Variants in TRPM3 observed in about 807,000 individuals in gnomAD.
TRPM3 encodes the protein long transient receptor potential channel 3.
A neutral mutation model predicts 181.2 loss-of-function variants in TRPM3; 77 were observed. The ratio of observed to expected loss-of-function variants is 0.42; its 90% CI spans 0.35 to 0.51. TRPM3 has a LOEUF of 0.51. Among genes scored for constraint, TRPM3 ranks in the 20% least tolerant of loss-of-function variants. TRPM3 has a pLI of 0.01. For synonymous variants in TRPM3, 745 were observed against 796.4 expected (o/e 0.94, Z 1.09); for missense variants, 1,759 against 2,196.7 (o/e 0.80, Z 3.98).
At chr9:70,771,526 A>G (rs1048501231) in intron 7 of TRPM3, among the ~76,000 whole-genome samples, 8 of 151,744 alleles carry the variant, frequency 5.3e-5, no homozygotes, top group Non-Finnish European at 8.8e-5. Context: ...TGAGCCAGCT[A>G]TGGTAAAACA....
chr9:70,966,288 A>G (rs2097184801), intron 1 of TRPM3, among the ~76,000 whole-genome samples: 1 of 152,072 alleles, frequency 6.6e-6, no homozygotes, highest in African/African-American at 2.4e-5. Flanking sequence ...CTGTTACACC[A>G]TTGGTGGGAG....
At chr9:71,352,155 G>A (rs566504292) in intron 1 of TRPM3, among the ~76,000 whole-genome samples, 57 of 152,268 alleles carry the variant, frequency 3.7e-4, no homozygotes, top group African/African-American at 1.3e-3. Context: ...GATTACAGGC[G>A]TGAGCCACTG....
chr9:71,265,298 A>G (rs866195791), intron 1 of TRPM3, among the ~76,000 whole-genome samples: 45 of 152,338 alleles, frequency 3.0e-4, no homozygotes, highest in African/African-American at 1.0e-3. Flanking sequence ...AGACTATCTG[A>G]ATATAAGTTA....
intron 1 of TRPM3, among the ~76,000 whole-genome samples, chr9:70,961,075 T>G (rs1425331990): frequency 1.3e-5 from 2 of 152,114 alleles, no homozygotes; most frequent in African/African-American, 4.8e-5. Context: ...AATTACAACA[T>G]AAGGAGAAGA....
intron 1 of TRPM3, among the ~76,000 whole-genome samples, chr9:71,258,090 T>C (rs754691497): frequency 2.0e-5 from 3 of 152,154 alleles, no homozygotes; most frequent in Admixed American, 6.5e-5. Context: ...AAGGCTAAAA[T>C]CATGAAAATG....
At chr9:71,325,505 AG>A (rs2089607764) in intron 1 of TRPM3, among the ~76,000 whole-genome samples, 1 of 152,192 alleles carries the variant, frequency 6.6e-6, no homozygotes, top group African/African-American at 2.4e-5. Context: ...TCAACTCTAG[AG>A]TTACAGAGAT....
Position 71,225,302 on chromosome 9 carries a change from C to T in TRPM3, c.183+221351G>A, listed in dbSNP as rs552868432. On this transcript the variant is annotated intron_variant, in intron 1 of 24. Coordinates refer to the TRPM3 transcript ENST00000357533. ...AGCAGACTTTTCAGTGGAAAGCTTA[C>T]AGACCAGGCAAGAGTGGCATGACGT... is the stretch of plus-strand genomic sequence containing the variant. Among the ~76,000 whole-genome samples the T allele has an allele frequency of 3.3e-5, 5 of 151,848 alleles. No individual in the cohort carries two copies. The South Asian group carries it at 1.0e-3, about 32-fold the overall frequency.
At chr9:70,738,002 CTATGTCT>C (rs1422735673) in intron 8 of TRPM3, among the ~76,000 whole-genome samples, 1 of 152,156 alleles carries the variant, frequency 6.6e-6, no homozygotes, top group Admixed American at 6.6e-5. Flanking sequence ...TGGATTTAAA[CTATGTCT>C]TAGAACAAAT....
intron 1 of TRPM3, among the ~76,000 whole-genome samples, chr9:71,420,966 G>GGAGAGAAAAAGGGAGAGAAAAAGAGAAA (rs1563912300): frequency 2.5e-5 from 1 of 39,442 alleles, no homozygotes; most frequent in African/African-American, 1.1e-4. Context: ...AGAGAAAAAG[G>GGAGAGAAAAAGGGAGAGAAAAAGAGAAA]GAGAGAAAAA....
At chr9:70,981,085 C>T (rs2097359394) in intron 1 of TRPM3, among the ~76,000 whole-genome samples, 1 of 152,146 alleles carries the variant, frequency 6.6e-6, no homozygotes. Flanking sequence ...TTACCATGAG[C>T]TTTGATTCAT....
intron 1 of TRPM3, among the ~76,000 whole-genome samples, chr9:71,014,690 G>A (rs2097770482): frequency 6.6e-6 from 1 of 152,072 alleles, no homozygotes; most frequent in African/African-American, 2.4e-5. Context: ...GAATTGCCTA[G>A]TATACTTCTA....
At chr9:71,176,638 T>C (rs762456098) in intron 1 of TRPM3, among the ~76,000 whole-genome samples, 2 of 152,080 alleles carry the variant, frequency 1.3e-5, no homozygotes, top group African/African-American at 2.4e-5. Flanking sequence ...AAGTAGTGTA[T>C]AGTAATGTCC....
At chr9:70,998,170 T>A (rs12379950) in intron 1 of TRPM3, among the ~76,000 whole-genome samples, 5 of 143,706 alleles carry the variant, frequency 3.5e-5, no homozygotes, top group African/African-American at 1.3e-4. Flanking sequence ...TATACATATA[T>A]ACACATATAT....
intron 9 of TRPM3, among the ~76,000 whole-genome samples, chr9:70,645,929 A>G (rs1048610453): frequency 6.6e-6 from 1 of 152,138 alleles, no homozygotes; most frequent in Non-Finnish European, 1.5e-5. Flanking sequence ...ATATGAAGAG[A>G]CACTTCTCAG....
At chr9:71,411,661 G>C (rs973707919) in intron 1 of TRPM3, among the ~76,000 whole-genome samples, 2 of 152,116 alleles carry the variant, frequency 1.3e-5, no homozygotes, top group Non-Finnish European at 2.9e-5. Context: ...TCACGAAAAT[G>C]GCCATACTGC....
chr9:70,908,170 A>T (rs989408734), intron 1 of TRPM3, among the ~76,000 whole-genome samples: 3 of 152,242 alleles, frequency 2.0e-5, no homozygotes, highest in African/African-American at 4.8e-5. Context: ...TATATCAGTT[A>T]GTTGACAAAA....
At chr9:70,835,120 C>T (rs1331713416) in intron 5 of TRPM3, among the ~76,000 whole-genome samples, 1 of 152,194 alleles carries the variant, frequency 6.6e-6, no homozygotes, top group Admixed American at 6.5e-5. Context: ...TGCCAGCTCC[C>T]CCTTTGCCTT....
chr9:70,803,608 C>A (rs1431872347), intron 6 of TRPM3, among the ~76,000 whole-genome samples: 1 of 151,878 alleles, frequency 6.6e-6, no homozygotes, highest in Non-Finnish European at 1.5e-5. Flanking sequence ...GCCACTACAC[C>A]CGGCCAATTT....
chr9:70,701,383 C>A (rs1003031304), intron 8 of TRPM3, among the ~76,000 whole-genome samples: 2 of 152,094 alleles, frequency 1.3e-5, no homozygotes, highest in Admixed American at 6.5e-5. Flanking sequence ...ACTAACTGTC[C>A]TCACCACTCT....
Sources: gnomAD v4.1 joint callset for allele counts (sites outside exome capture counted in the v4.1 genomes callset) on GRCh38, gnomAD v4.1.1 for gene constraint, MANE v1.5 for transcripts, NCBI Gene and HGNC (gene_info 2026-07-23, HGNC 2026-07-21) for gene names.